The following CNRIP1 variants were observed in gnomAD, a reference collection of about 807,000 sequenced individuals.
CNRIP1 encodes cannabinoid receptor interacting protein 1.
CNRIP1 carries 10 observed loss-of-function variants against 15.2 expected under a neutral mutation model. That is an observed-to-expected ratio of 0.66 (90% CI 0.41 to 1.12). The LOEUF (loss-of-function observed/expected upper bound fraction) is 1.12, where lower values mean the gene tolerates loss of function less well. Ranked by LOEUF, CNRIP1 falls within the 50% of genes most tolerant of loss-of-function variation. The pLI is 0.00. For missense variants in CNRIP1, 211 were observed against 214.7 expected, an observed-to-expected ratio of 0.98 and a Z score of 0.11; for synonymous variants, 91 against 83.2, an observed-to-expected ratio of 1.09 and a Z score of -0.51.
chr2:68,296,132 G>A (rs1671347869), intron 2 of CNRIP1, among the ~76,000 whole-genome samples: 1 of 152,146 alleles, frequency 6.6e-6, no homozygotes, highest in African/African-American at 2.4e-5. Context: ...GGCACTATTT[G>A]TGGCATATCT....
intron 1 of CNRIP1, among the ~76,000 whole-genome samples, chr2:68,317,669 C>G (rs1672325515): frequency 6.6e-6 from 1 of 152,046 alleles, no homozygotes; most frequent in African/African-American, 2.4e-5. Flanking sequence ...ATTTGGAGTA[C>G]CTCAAGCCTT....
intron 2 of CNRIP1, among the ~76,000 whole-genome samples, chr2:68,308,083 T>G (rs1671926206): frequency 6.6e-6 from 1 of 152,036 alleles, no homozygotes; most frequent in Non-Finnish European, 1.5e-5. Context: ...GTCCCAGCTA[T>G]TCAGGAGTCT....
chr2:68,317,432 G>C, intron 1 of CNRIP1, 125 bp from the exon 2 acceptor site: 1 of 992,462 alleles, frequency 1.0e-6, no homozygotes, highest in East Asian at 2.5e-5. Flanking sequence ...TGGTGCGGGA[G>C]AAAGTTCTGC....
chr2:68,292,876 T>C, downstream of CNRIP1: 2 of 357,596 alleles, frequency 5.6e-6, no homozygotes, highest in Non-Finnish European at 7.8e-6. Flanking sequence ...GCTTGATTCA[T>C]GAATAGGTGT....
chr2:68,305,793 C>CAAAA (rs549415627), intron 2 of CNRIP1, among the ~76,000 whole-genome samples: 1 of 94,162 alleles, frequency 1.1e-5, no homozygotes, highest in African/African-American at 3.6e-5. Context: ...AAGACTCTTC[C>CAAAA]AAAAAAAAAA....
Position 68,296,361 on chromosome 2 carries a change from C to T in CNRIP1, c.331-2335G>A, listed in dbSNP as rs539920083. ...TTGAGACCAGGAGTTTGAGACTAGC[C>T]TGGGCAACATAGTGAGACCCTGCCT... On this transcript the variant is annotated intron_variant, in intron 2 of 2. Transcript: ENST00000263655. Among the ~76,000 whole-genome samples, 66 of 152,116 alleles carry T rather than the reference C, an allele frequency of 4.3e-4. No individual in the cohort carries two copies. In the South Asian group the frequency reaches 0.013, roughly 29 times the overall value.
chr2:68,315,050 C>G (rs907233539), intron 2 of CNRIP1, among the ~76,000 whole-genome samples: 1 of 151,422 alleles, frequency 6.6e-6, no homozygotes, highest in African/African-American at 2.4e-5. Context: ...ACATGTTTGA[C>G]TACAAAATTT....
intron 2 of CNRIP1, among the ~76,000 whole-genome samples, chr2:68,298,870 G>A (rs1416996001): frequency 1.3e-5 from 2 of 152,168 alleles, no homozygotes; most frequent in Admixed American, 6.5e-5. Context: ...TTAAAGAACA[G>A]GAACAATTAT....
At chr2:68,304,647 G>C (rs1671742952) in intron 2 of CNRIP1, among the ~76,000 whole-genome samples, 1 of 144,816 alleles carries the variant, frequency 6.9e-6, no homozygotes, top group African/African-American at 2.7e-5. Flanking sequence ...TTTTGAGACA[G>C]AGTCTCGCTC....
intron 1 of CNRIP1, among the ~76,000 whole-genome samples, chr2:68,317,810 T>C (rs148702986): frequency 1.3e-5 from 2 of 152,246 alleles, no homozygotes; most frequent in African/African-American, 4.8e-5. Flanking sequence ...GGCCCTACCA[T>C]AGACTAAACT....
At chr2:68,319,070 G>C (rs573403767) in intron 1 of CNRIP1, 152 bp downstream of exon 1, 6 of 666,034 alleles carry the variant, frequency 9.0e-6, no homozygotes, top group Non-Finnish European at 1.4e-5. Context: ...GGACGAAGGC[G>C]GACAGGGAGT....
Position 68,293,742 on chromosome 2 carries a change from G to A in CNRIP1, c.*120C>T. The stretch of plus-strand genomic sequence containing the variant: ...ACTTTCAAAATAACCAGGGCTAGTA[G>A]GTCATTAGTACCAGATGGGGAACAG... On this transcript the variant is annotated 3_prime_UTR_variant, in exon 3 of 3. Transcript: ENST00000263655. 1.3e-6 allele frequency: 2 copies of A among 1,493,032 alleles called. No individual in the cohort carries two copies. Among genetic ancestry groups the A allele is most frequent in the Non-Finnish European group, 1.8e-6 (2 of 1,120,452 alleles). 92.5% of individuals were successfully genotyped at this position (1,493,032 alleles called of 1,614,324 possible).
At chr2:68,294,065 C>T in intron 2 of CNRIP1, 39 bp from the exon 3 acceptor site, 2 of 1,598,694 alleles carry the variant, frequency 1.3e-6, no homozygotes, top group East Asian at 2.2e-5. Context: ...AAACCTCATT[C>T]TGCCACGAGC....
rs756940610 is a variant in CNRIP1 at position 68,293,974 on chromosome 2, TA to T, written c.382del (p.Tyr128ThrfsTer28). 6.2e-7 allele frequency: 1 copy of T among 1,614,090 alleles called. No individual in the cohort carries two copies. Among genetic ancestry groups the T allele is most frequent in the South Asian group, 1.1e-5 (1 of 91,072 alleles). On this transcript the variant is annotated frameshift_variant, in exon 3 of 3. Transcript: ENST00000263655. LOFTEE classifies it high-confidence loss of function. Reference sequence around the variant, plus strand: ...CCACTGGCAGTGATCCCGCTTGTGGTAATTGTAGAACTTGACTTGCCACACT... The same window carrying T: ...CCACTGGCAGTGATCCCGCTTGTGGTATTGTAGAACTTGACTTGCCACACT... ...ETVWQVKFYNYHKRDHCQWGS... is the reference protein window; with the variant it reads ...ETVWQVKFYNXHKRDHCQWGS...
chr2:68,285,200 C>T (rs574419334), intron 2 of CNRIP1, among the ~76,000 whole-genome samples: 117 of 152,136 alleles, frequency 7.7e-4, no homozygotes, highest in African/African-American at 2.4e-3. Context: ...CTCCCCTCTG[C>T]GCTGTCTCAT....
At chr2:68,285,067 T>A (rs1670995379) in intron 2 of CNRIP1, among the ~76,000 whole-genome samples, 1 of 152,174 alleles carries the variant, frequency 6.6e-6, no homozygotes, top group African/African-American at 2.4e-5. Flanking sequence ...CTGTCTTCCC[T>A]TGTTCCCTGA....
intron 2 of CNRIP1, among the ~76,000 whole-genome samples, chr2:68,295,553 C>T (rs773944978): frequency 9.9e-5 from 15 of 152,146 alleles, no homozygotes; most frequent in Non-Finnish European, 2.2e-4. Context: ...TATAAAATGG[C>T]CTTTTGCTGA....
chr2:68,294,613 T>A (rs1671280770), intron 2 of CNRIP1, among the ~76,000 whole-genome samples: 1 of 152,230 alleles, frequency 6.6e-6, no homozygotes, highest in Non-Finnish European at 1.5e-5. Flanking sequence ...ACAACCTGTC[T>A]ACAATACATC....
chr2:68,312,161 G>C (rs1014533464), intron 2 of CNRIP1, among the ~76,000 whole-genome samples: 3 of 151,930 alleles, frequency 2.0e-5, no homozygotes, highest in Non-Finnish European at 2.9e-5. Flanking sequence ...CTAGACAAAG[G>C]CATTATAAGA....
Sources: gnomAD v4.1 joint callset for allele counts (sites outside exome capture counted in the v4.1 genomes callset) on GRCh38, gnomAD v4.1.1 for gene constraint, MANE v1.5 for transcripts, NCBI Gene and HGNC (gene_info 2026-07-23, HGNC 2026-07-21) for gene names.